DEFB119: variants seen among roughly 807,000 people sequenced by gnomAD.
DEFB119 encodes the protein beta-defensin 119.
In DEFB119, 3 loss-of-function variants were observed where a neutral mutation model predicts 2.5. The observed-to-expected ratio is 1.19, with a 90% CI of 0.54 to 3.07. The LOEUF is 3.07. Among genes scored for constraint, DEFB119 ranks in the 30% most tolerant of loss-of-function variants. DEFB119 has a pLI of 0.03. For missense variants in DEFB119, 113 were observed against 101.1 expected (o/e 1.12, Z -0.50); for synonymous variants, 29 against 33.7 (o/e 0.86, Z 0.48).
chr20:31,383,741 G>A (rs951938232), intron 1 of DEFB119, among the ~76,000 whole-genome samples: 9 of 151,972 alleles, frequency 5.9e-5, no homozygotes, highest in African/African-American at 2.2e-4. Flanking sequence ...TACTAGGGAG[G>A]CTGAGACAGG....
At position 31,377,404 on chromosome 20, in the gene DEFB119, CACTG is replaced by C. The variant is rs374993061; in HGVS notation, c.93_96del (p.Asn31LysfsTer30). 2,132 of 1,613,554 alleles carry C rather than the reference CACTG, an allele frequency of 1.3e-3. 23 individuals are homozygous for C. In the African/African-American group the frequency reaches 0.024, roughly 18 times the overall value. ...TTTTTGCAAGAGGCCCTACAAATTC[CACTG>C]TTACCCATGCATCGAAGGATGTGGC... On this transcript the variant is annotated frameshift_variant, in exon 2 of 2. Coordinates refer to ENST00000376321, the MANE Select transcript of DEFB119 (RefSeq NM_153289.4). LOFTEE classifies it low-confidence loss of function (END_TRUNC).
chr20:31,386,815 T>TTC (rs1555826556), intron 1 of DEFB119, among the ~76,000 whole-genome samples: 1 of 137,844 alleles, frequency 7.3e-6, no homozygotes, highest in African/African-American at 2.8e-5. Context: ...TTTTTCTTTT[T>TTC]TTTTTTTTTT....
In DEFB119 at chr20:31,377,261, C is replaced by T. The variant is rs1379697551; in HGVS notation, c.240G>A (p.Trp80Ter). The T allele has an allele frequency of 2.5e-5, 41 of 1,612,434 alleles. No individual in the cohort carries two copies. The highest frequency in any genetic ancestry group is 3.5e-5 in the Non-Finnish European group (41 of 1,179,276). ...TCACCAGCACTCAAGGTAGTCTTGG[C>T]CACTGCTTCTCATAAGACCAGTCGG... ...ENTDWSYEKQ[W>*]PRLP Residue 80 changes from tryptophan to a stop codon, truncating the protein, a stop_gained, in exon 2 of 2, where the codon TGG (tryptophan) becomes TGA (stop). Coordinates refer to ENST00000376321, the MANE Select transcript of DEFB119 (RefSeq NM_153289.4). LOFTEE classifies it high-confidence loss of function.
rs566553045 is a variant in DEFB119 at position 31,383,272 on chromosome 20, G to A, written c.62-5833C>T. ...AGTCTCATGAGATCTGTCCAGGCGC[G>A]GTGGCTCATGCCTGTAATCCTAGCA... On this transcript the variant is annotated intron_variant, in intron 1 of 1. Transcript: ENST00000376321. 6.6e-5 allele frequency among the ~76,000 whole-genome samples: 10 copies of A among 152,230 alleles called. No homozygotes were observed. The East Asian group carries it at 7.7e-4, about 12-fold the overall frequency.
In DEFB119 at chr20:31,389,184, A is replaced by G. The variant is rs766114754; in HGVS notation, c.61+1239T>C. The G allele has an allele frequency of 4.3e-6, 7 of 1,614,050 alleles. No homozygotes were observed. In the Admixed American group the frequency reaches 1.0e-4, roughly 23 times the overall value. On this transcript the variant is annotated intron_variant, in intron 1 of 1. Transcript: ENST00000376321. ...TTCGGCAGCGTATGATGCTGTCTTC[A>G]CCATCTTTGCACAACAACCGGCAGT... is the stretch of plus-strand genomic sequence containing the variant.
At chr20:31,379,206 C>T (rs540656319) in intron 1 of DEFB119, among the ~76,000 whole-genome samples, 1 of 152,202 alleles carries the variant, frequency 6.6e-6, no homozygotes, top group African/African-American at 2.4e-5. Flanking sequence ...CCAAAGTCCA[C>T]TGCACCCAGC....
chr20:31,381,730 G>A (rs958850073), intron 1 of DEFB119, among the ~76,000 whole-genome samples: 2 of 152,114 alleles, frequency 1.3e-5, no homozygotes, highest in Non-Finnish European at 2.9e-5. Flanking sequence ...AGGATCACTT[G>A]AGCCCAGGAG....
chr20:31,379,266 G>C (rs1397978498), intron 1 of DEFB119, among the ~76,000 whole-genome samples: 2 of 152,104 alleles, frequency 1.3e-5, no homozygotes, highest in Non-Finnish European at 2.9e-5. Context: ...ACAAAATAAT[G>C]GAGGTTGAGT....
chr20:31,377,525 AG>A (rs1986346219), intron 1 of DEFB119, 86 bp from the exon 2 acceptor site: 5 of 1,406,154 alleles, frequency 3.6e-6, no homozygotes, highest in African/African-American at 2.9e-5. Context: ...AAAAACCTAA[AG>A]GGGGAGCAGG....
At position 31,377,452 on chromosome 20, in the gene DEFB119, A is replaced by G; in HGVS notation, c.62-13T>C. ...ATGTGGCGTTTGCCTGCCAAAGGAAAAAAAATACAAATAGTTAATTCACCT... is the reference window on the plus strand; with the variant it reads ...ATGTGGCGTTTGCCTGCCAAAGGAAGAAAAATACAAATAGTTAATTCACCT... On this transcript the variant is annotated splice_polypyrimidine_tract_variant and intron_variant, in intron 1 of 1. Transcript: ENST00000376321. 6.2e-7 allele frequency: 1 copy of G among 1,607,084 alleles called. No homozygotes were observed.
intron 1 of DEFB119, chr20:31,378,467 CA>C (rs1986384958): frequency 6.3e-7 from 1 of 1,595,612 alleles, no homozygotes; most frequent in African/African-American, 1.3e-5. Context: ...ATATCAAAAA[CA>C]TCCGCGTTCC....
chr20:31,385,374 C>CA (rs539118665), intron 1 of DEFB119, among the ~76,000 whole-genome samples: 56,164 of 115,494 alleles, frequency 0.49, 13,438 homozygotes, highest in East Asian at 0.66. Flanking sequence ...TAACAAAAGA[C>CA]AAAAAAAAAA....
At chr20:31,389,166 G>A (rs1421881358) in intron 1 of DEFB119, 2 of 1,614,208 alleles carry the variant, frequency 1.2e-6, no homozygotes, top group East Asian at 2.2e-5. Flanking sequence ...GATTTCGGCA[G>A]CGTATGATGC....
Position 31,377,321 on chromosome 20 carries a change from G to A in DEFB119, c.180C>T (p.Tyr60=), listed in dbSNP as rs146735308. 6.2e-7 allele frequency: 1 copy of A among 1,614,156 alleles called. No individual in the cohort carries two copies. ...CTTTGCCAGAAATGCTTATCCTCAT[G>A]TAGGACTGGAGGCAGCAGGACTGAC... ...RNCQSCCLQS[Y]MRISISGKEE... The change falls in exon 2 of 2, where the codon TAC becomes TAT. Residue 60 remains tyrosine (Y), a synonymous_variant. Transcript: ENST00000376321.
chr20:31,378,513 A>G, intron 1 of DEFB119: 1 of 1,462,306 alleles, frequency 6.8e-7, no homozygotes, highest in Non-Finnish European at 9.2e-7. Context: ...GAACCAGGAA[A>G]ATCTTAACTT....
intron 1 of DEFB119, chr20:31,378,434 A>T (rs368883587): frequency 5.0e-6 from 8 of 1,613,466 alleles, no homozygotes; most frequent in Non-Finnish European, 6.8e-6. Flanking sequence ...TTGAAATATG[A>T]TCCAGCATCT....
chr20:31,378,347 C>T (rs1216068064), intron 1 of DEFB119: 3 of 1,614,198 alleles, frequency 1.9e-6, no homozygotes, highest in East Asian at 4.5e-5. Flanking sequence ...TGGACTTCCA[C>T]CCACCTGGCA....
rs762279103 is a variant in DEFB119, at chr20:31,390,533, TAGGGTTCCCTGC to T, written c.-62_-51del. 4 of 1,576,608 alleles carry T rather than the reference TAGGGTTCCCTGC, an allele frequency of 2.5e-6. No individual in the cohort carries two copies. Among genetic ancestry groups the T allele is most frequent in the Non-Finnish European group, 8.7e-7 (1 of 1,150,164 alleles). On this transcript the variant is annotated 5_prime_UTR_variant, in exon 1 of 2. Coordinates refer to ENST00000376321, the MANE Select transcript of DEFB119 (RefSeq NM_153289.4). ...GTGGCTGAGCTGCAGGGGAAGGAAATAGGGTTCCCTGCAGCACGGCAGAGATGAGCTTTGCTT... is the reference window on the plus strand; with the variant it reads ...GTGGCTGAGCTGCAGGGGAAGGAAATAGCACGGCAGAGATGAGCTTTGCTT...
At chr20:31,387,964 G>T in intron 1 of DEFB119, 1 of 727,974 alleles carries the variant, frequency 1.4e-6, no homozygotes, top group Non-Finnish European at 1.7e-6. Flanking sequence ...GGATGATAAT[G>T]AACTCCTTCT....
Sources: allele counts gnomAD v4.1 joint callset (sites outside exome capture counted in the v4.1 genomes callset), GRCh38; gene constraint gnomAD v4.1.1; transcripts MANE v1.5; gene names NCBI Gene and HGNC (gene_info 2026-07-23, HGNC 2026-07-21).